Variants in CDC34 observed in about 807,000 individuals in gnomAD.
CDC34 encodes cell division cycle 34, ubiquitin conjugating enzyme, also known as ubiquitin-conjugating enzyme E2 R1.
In CDC34, 18 loss-of-function variants were observed where a neutral mutation model predicts 26.8. That is an observed-to-expected ratio of 0.67 (90% CI 0.47 to 1.00). The LOEUF (loss-of-function observed/expected upper bound fraction) is 1.00, where lower values mean the gene tolerates loss of function less well. Among genes scored for constraint, CDC34 ranks in the 50% least tolerant of loss-of-function variants. CDC34 has a pLI of 0.00. For missense variants in CDC34, 280 were observed against 334.5 expected (o/e 0.84, Z 1.27); for synonymous variants, 178 against 147.5 (o/e 1.21, Z -1.50).
At chr19:539,954 T>G (rs1174470363) in intron 4 of CDC34, among the ~76,000 whole-genome samples, 2 of 149,222 alleles carry the variant, frequency 1.3e-5, no homozygotes, top group African/African-American at 4.9e-5. Flanking sequence ...TGCCAGAGGC[T>G]GGGATGGCCA....
Position 537,010 on chromosome 19 carries a change from C to T in CDC34, c.363-3C>T, listed in dbSNP as rs1257245167. 3 of 1,613,500 alleles carry T rather than the reference C, an allele frequency of 1.9e-6. No homozygotes were observed. Among genetic ancestry groups the T allele is most frequent in the Non-Finnish European group, 2.5e-6 (3 of 1,179,970 alleles). On this transcript the variant is annotated splice_polypyrimidine_tract_variant and splice_region_variant and intron_variant, in intron 3 of 4. Transcript: ENST00000215574. The stretch of plus-strand genomic sequence containing the variant: ...GCCCCACTCCGACCCACTCTCCCCA[C>T]AGGACCATTCTCCTGAGTGTGATCT...
Position 537,145 on chromosome 19 carries a change from C to A in CDC34, c.495C>A (p.Ile165=). 2.5e-6 allele frequency: 4 copies of A among 1,613,086 alleles called. No homozygotes were observed. Among genetic ancestry groups the A allele is most frequent in the Non-Finnish European group, 2.5e-6 (3 of 1,179,908 alleles). ...KGKDREYTDI[I]RKQVLGTKVD... is the part of the protein sequence containing the mutation. ...AGGATCGGGAGTACACAGACATCAT[C>A]CGGTGAGGGCGGGCGGGGGCGTCAC... is the stretch of plus-strand genomic sequence containing the variant. Residue 165 remains isoleucine, a splice_region_variant and synonymous_variant, in exon 4 of 5, where the codon ATC becomes ATA. Coordinates refer to ENST00000215574, the MANE Select transcript of CDC34 (RefSeq NM_004359.2).
rs916417568 is a variant in CDC34, at chr19:541,904, CGG to C, written c.*357_*358del. ...ACGGGGGCGCTGCTGGGAACGTGGG[CGG>C]GGGGCCGTTTCCTGACACTACCAGC... On this transcript the variant is annotated 3_prime_UTR_variant, in exon 5 of 5. Transcript: ENST00000215574. The C allele has an allele frequency of 1.1e-5, 2 of 177,686 alleles. No homozygotes were observed. The highest frequency in any genetic ancestry group is 4.7e-5 in the African/African-American group (2 of 42,288). 11.0% of individuals were successfully genotyped at this position (177,686 alleles called of 1,614,324 possible).
chr19:536,606 C>T (rs1031588456), intron 3 of CDC34: 46 of 573,980 alleles, frequency 8.0e-5, no homozygotes, highest in Non-Finnish European at 1.2e-4. Flanking sequence ...AGAGGTGTCC[C>T]GCCATCCTCA....
At position 531,947 on chromosome 19, in the gene CDC34, G is replaced by A. The variant is rs143937615; in HGVS notation, c.16G>A (p.Val6Met). Residue 6 changes from valine (V) to methionine (M), a missense_variant, in exon 1 of 5, where the codon GTG becomes ATG. Transcript: ENST00000215574. ...CGCCGCCGCCATGGCTCGGCCGCTA[G>A]TGCCCAGCTCGCAGAAGGCGCTGCT... MARPL[V>M]PSSQKALLLE... is the part of the protein sequence containing the mutation. 2.8e-5 allele frequency: 41 copies of A among 1,457,410 alleles called. No individual in the cohort carries two copies. The African/African-American group carries it at 4.1e-4, about 14-fold the overall frequency. 90.3% of individuals were successfully genotyped at this position (1,457,410 alleles called of 1,614,324 possible). A position where few individuals can be genotyped will look rare whatever the true frequency, so the allele number is the denominator to read the frequency against.
At chr19:541,192 G>T in intron 4 of CDC34, 147 bp from the exon 5 acceptor site, 2 of 1,045,642 alleles carry the variant, frequency 1.9e-6, no homozygotes, top group Non-Finnish European at 2.7e-6. Flanking sequence ...AGTTCCTCAC[G>T]CACAGGGCTT....
In CDC34 at chr19:541,623, C is replaced by T. The variant is rs973754411; in HGVS notation, c.*71C>T. 15 of 1,465,724 alleles carry T rather than the reference C, an allele frequency of 1.0e-5. No individual in the cohort carries two copies. The highest frequency in any genetic ancestry group is 1.3e-5 in the Non-Finnish European group (14 of 1,101,104). 90.8% of individuals were successfully genotyped at this position (1,465,724 alleles called of 1,614,324 possible). On this transcript the variant is annotated 3_prime_UTR_variant, in exon 5 of 5. Coordinates refer to ENST00000215574, the MANE Select transcript of CDC34 (RefSeq NM_004359.2). ...CCGTGGCTCCTTAGACGACAGACTA[C>T]CTCACGGAGGTTTTGTGCTGGTCCC...
chr19:535,956 A>G (rs770842392), intron 2 of CDC34, 33 bp downstream of exon 2: 1 of 1,583,124 alleles, frequency 6.3e-7, no homozygotes, highest in Non-Finnish European at 8.7e-7. Context: ...TCAAGTCCTC[A>G]TCCTCCGGGA....
chr19:539,864 G>T (rs998591400), intron 4 of CDC34, among the ~76,000 whole-genome samples: 7 of 152,326 alleles, frequency 4.6e-5, no homozygotes, highest in Non-Finnish European at 2.9e-5. Context: ...GTAGGTCCTG[G>T]TGTGCGCGGT....
chr19:537,396 A>G (rs1979805707), intron 4 of CDC34, among the ~76,000 whole-genome samples: 1 of 152,106 alleles, frequency 6.6e-6, no homozygotes, highest in Non-Finnish European at 1.5e-5. Flanking sequence ...TCTGTCACCC[A>G]GGCTGGAGTG....
chr19:538,929 C>G, intron 4 of CDC34: 2 of 985,346 alleles, frequency 2.0e-6, no homozygotes, highest in Non-Finnish European at 1.2e-6. Flanking sequence ...TCACCTGGCC[C>G]AGGTGGCTGG....
chr19:536,735 T>C (rs1979772646), intron 3 of CDC34: 3 of 551,866 alleles, frequency 5.4e-6, no homozygotes, highest in Admixed American at 3.1e-5. Context: ...TGTCCTGGAG[T>C]GTAGTCTAGG....
chr19:538,671 G>A (rs16990605), intron 4 of CDC34: 134 of 980,404 alleles, frequency 1.4e-4, no homozygotes, highest in Middle Eastern at 5.2e-4. Context: ...TGTCTTCCTC[G>A]CCCCAGGACC....
At position 541,651 on chromosome 19, in the gene CDC34, T is replaced by A; in HGVS notation, c.*99T>A. On this transcript the variant is annotated 3_prime_UTR_variant, in exon 5 of 5. Transcript: ENST00000215574. ...CACGGAGGTTTTGTGCTGGTCCCCG[T>A]CTCCTCTGGTTGTTTCGTTTTGGCT... 1 of 1,345,434 alleles carries A rather than the reference T, an allele frequency of 7.4e-7. No individual in the cohort carries two copies. Among genetic ancestry groups the A allele is most frequent in the Non-Finnish European group, 9.9e-7 (1 of 1,006,384 alleles). 83.3% of individuals were successfully genotyped at this position (1,345,434 alleles called of 1,614,324 possible). A position where few individuals can be genotyped will look rare whatever the true frequency, so the allele number is the denominator to read the frequency against.
intron 1 of CDC34, among the ~76,000 whole-genome samples, chr19:534,503 CTGA>C (rs1979645198): frequency 1.3e-5 from 1 of 77,582 alleles, no homozygotes; most frequent in Non-Finnish European, 2.7e-5. Flanking sequence ...CCAAGACCCC[CTGA>C]GTGCCCTCCC....
chr19:539,503 G>A (rs956980863), intron 4 of CDC34, among the ~76,000 whole-genome samples: 8 of 152,206 alleles, frequency 5.3e-5, no homozygotes, highest in East Asian at 1.9e-4. Flanking sequence ...ACCCAGGGAC[G>A]TCCCTGAGGC....
chr19:534,609 C>A (rs12972728), intron 1 of CDC34, among the ~76,000 whole-genome samples: 2,160 of 60,442 alleles, frequency 0.036, 152 homozygotes, highest in African/African-American at 0.084. Context: ...CCGCCCTGTC[C>A]AGACCTCGCC....
At chr19:541,133 G>C in intron 4 of CDC34, 1 of 612,806 alleles carries the variant, frequency 1.6e-6, no homozygotes, top group South Asian at 2.5e-5. Context: ...CCTCCCACCC[G>C]CACCTCCTGC....
At position 541,403 on chromosome 19, in the gene CDC34, G is replaced by A. The variant is rs1265199250; in HGVS notation, c.562G>A (p.Ala188Thr). ...RDGVKVPTTL[A>T]EYCVKTKAPA... ...CGGCGTGAAGGTGCCCACCACGCTG[G>A]CCGAGTACTGCGTGAAGACCAAGGC... The change falls in exon 5 of 5, where the codon GCC becomes ACC. Residue 188 changes from alanine to threonine, a missense_variant. Ala to Thr is a moderately conservative substitution (Grantham distance 58). Transcript: ENST00000215574. 6.2e-7 allele frequency: 1 copy of A among 1,611,636 alleles called. No individual in the cohort carries two copies. Among genetic ancestry groups the A allele is most frequent in the East Asian group, 2.2e-5 (1 of 44,830 alleles).
Sources: gnomAD v4.1 joint callset for allele counts (sites outside exome capture counted in the v4.1 genomes callset) on GRCh38, gnomAD v4.1.1 for gene constraint, MANE v1.5 for transcripts, NCBI Gene and HGNC (gene_info 2026-07-23, HGNC 2026-07-21) for gene names.